Variants in MACROD1 observed in about 807,000 individuals in gnomAD.
MACROD1 encodes the protein mono-ADP ribosylhydrolase 1.
In MACROD1, 31 loss-of-function variants were observed where a neutral mutation model predicts 41.4. The observed-to-expected ratio is 0.75, with a 90% CI of 0.56 to 1.01. MACROD1 has a LOEUF of 1.01. MACROD1 is among the 50% of genes least tolerant of loss of function. The pLI is 0.00. For synonymous variants in MACROD1, 252 were observed against 203.4 expected, an observed-to-expected ratio of 1.24 and a Z score of -2.03; for missense variants, 473 against 460.0, an observed-to-expected ratio of 1.03 and a Z score of -0.26.
At chr11:64,072,911 G>A (rs1436401075) in intron 3 of MACROD1, among the ~76,000 whole-genome samples, 1 of 152,184 alleles carries the variant, frequency 6.6e-6, no homozygotes, top group East Asian at 1.9e-4. Context: ...TCTCAAAAGA[G>A]TCAGGTTCTC....
intron 3 of MACROD1, chr11:64,118,897 C>T (rs1945046671): frequency 6.0e-6 from 1 of 167,044 alleles, no homozygotes; most frequent in African/African-American, 2.4e-5. Flanking sequence ...GCATCTTTCA[C>T]TGCATTCTTT....
chr11:64,143,489 G>A (rs914277739), intron 3 of MACROD1, among the ~76,000 whole-genome samples: 1 of 152,086 alleles, frequency 6.6e-6, no homozygotes, highest in Non-Finnish European at 1.5e-5. Context: ...GGGACTTGAG[G>A]GGGCTTGGGA....
At chr11:64,116,372 G>C in intron 3 of MACROD1, 2 of 1,613,652 alleles carry the variant, frequency 1.2e-6, no homozygotes, top group Non-Finnish European at 1.7e-6. Context: ...GGGACTGGCT[G>C]TTCCTCTGCT....
At chr11:64,079,073 G>A (rs1354046283) in intron 3 of MACROD1, among the ~76,000 whole-genome samples, 1 of 152,092 alleles carries the variant, frequency 6.6e-6, no homozygotes, top group Non-Finnish European at 1.5e-5. Context: ...CGGGGGCGGT[G>A]GGGAGGCGCT....
chr11:64,118,338 C>T (rs754188520), intron 3 of MACROD1: 20 of 1,507,846 alleles, frequency 1.3e-5, no homozygotes, highest in Admixed American at 8.8e-5. Flanking sequence ...GCTGCCCTGG[C>T]GTGGCCATGT....
At chr11:64,086,090 G>T (rs1324674775) in intron 3 of MACROD1, among the ~76,000 whole-genome samples, 3 of 152,180 alleles carry the variant, frequency 2.0e-5, no homozygotes, top group Non-Finnish European at 4.4e-5. Flanking sequence ...GAGCTGAGTC[G>T]GCTGGGCCAG....
At position 64,096,359 on chromosome 11, in the gene MACROD1, C is replaced by A. The variant is rs1044848411; in HGVS notation, c.517+54880G>T. ...CACGGTCCCTAATGGGCACGGGCGACGCATTACAGTGAGGTCTGCCAGGTA... is the reference window on the plus strand; with the variant it reads ...CACGGTCCCTAATGGGCACGGGCGAAGCATTACAGTGAGGTCTGCCAGGTA... On this transcript the variant is annotated intron_variant, in intron 3 of 10. Transcript: ENST00000255681. This position sits in a 1 kb window ranked among gnomAD's most constrained non-coding sequence, Gnocchi z 4.6. Among the ~76,000 whole-genome samples, 7 of 151,954 alleles carry A rather than the reference C, an allele frequency of 4.6e-5. No homozygotes were observed. The highest frequency in any genetic ancestry group is 1.7e-4 in the African/African-American group (7 of 41,372).
rs1337014901 is a variant in MACROD1, at chr11:64,015,292, G to C, written c.518-11C>G. ...GCAGGGAGCTGTTGGCTGCAAGAGA[G>C]AGAGACAAAGGCAGATCAGTGGGGA... On this transcript the variant is annotated splice_polypyrimidine_tract_variant and intron_variant, in intron 3 of 10. Transcript: ENST00000255681. The C allele has an allele frequency of 6.2e-7, 1 of 1,605,914 alleles. No individual in the cohort carries two copies. Among genetic ancestry groups the C allele is most frequent in the Non-Finnish European group, 8.5e-7 (1 of 1,176,292 alleles).
intron 3 of MACROD1, among the ~76,000 whole-genome samples, chr11:64,145,626 C>G (rs562326604): frequency 6.6e-6 from 1 of 152,358 alleles, no homozygotes; most frequent in Non-Finnish European, 1.5e-5. Context: ...ACAGCCCATG[C>G]TCACTGCTCT....
At chr11:64,148,726 T>C (rs1038885395) in intron 3 of MACROD1, 8 of 985,762 alleles carry the variant, frequency 8.1e-6, no homozygotes, top group Non-Finnish European at 8.4e-6. Context: ...CGCAGATTTA[T>C]GCAGCCCCGA....
At chr11:64,050,711 C>T (rs572991568) in intron 3 of MACROD1, among the ~76,000 whole-genome samples, 47 of 152,308 alleles carry the variant, frequency 3.1e-4, no homozygotes, top group African/African-American at 8.9e-4. Context: ...CTCTGCTTCC[C>T]GGGTTCAAGC....
chr11:64,117,946 C>T, intron 3 of MACROD1: 6 of 1,613,442 alleles, frequency 3.7e-6, no homozygotes, highest in Non-Finnish European at 5.1e-6. Context: ...ATCGGCGGGG[C>T]AGTGGCTCTG....
intron 3 of MACROD1, among the ~76,000 whole-genome samples, chr11:64,114,576 G>A (rs931361388): frequency 1.6e-5 from 2 of 124,400 alleles, no homozygotes; most frequent in African/African-American, 5.3e-5. Flanking sequence ...TGGATGGACA[G>A]GTAGATGCAT....
At chr11:64,147,622 C>T (rs1945513007) in intron 3 of MACROD1, among the ~76,000 whole-genome samples, 1 of 151,874 alleles carries the variant, frequency 6.6e-6, no homozygotes, top group African/African-American at 2.4e-5. Flanking sequence ...GGGATTTCGC[C>T]ATGTTGGCCA....
At chr11:64,074,333 C>T (rs543131489) in intron 3 of MACROD1, among the ~76,000 whole-genome samples, 47 of 152,306 alleles carry the variant, frequency 3.1e-4, no homozygotes, top group Admixed American at 1.0e-3. Flanking sequence ...CTGCAAGGTC[C>T]CGCTCTGGGA....
chr11:64,070,641 G>A (rs747554922), intron 3 of MACROD1, among the ~76,000 whole-genome samples: 8 of 152,154 alleles, frequency 5.3e-5, no homozygotes, highest in Non-Finnish European at 1.0e-4. Flanking sequence ...ACTAACACTC[G>A]GGCTGGGGCC....
chr11:64,116,395 C>T lies in MACROD1; in HGVS notation c.517+34844G>A, dbSNP rs767018690. ...CTGTTCCTCTGCTACGGGCTCATCG[C>T]CTTCCTGACGGAGGTCATCGACAGC... On this transcript the variant is annotated intron_variant, in intron 3 of 10. Transcript: ENST00000255681. 3 of 1,613,868 alleles carry T rather than the reference C, an allele frequency of 1.9e-6. No individual in the cohort carries two copies. In the Admixed American group the frequency reaches 5.0e-5, roughly 27 times the overall value.
chr11:64,053,185 T>C (rs1021398094), intron 3 of MACROD1, among the ~76,000 whole-genome samples: 1 of 152,066 alleles, frequency 6.6e-6, no homozygotes, highest in African/African-American at 2.4e-5. Flanking sequence ...CTTGGGGCCC[T>C]GGGGTGGGCG....
chr11:64,117,303 C>T (rs377711019), intron 3 of MACROD1: 13 of 1,613,992 alleles, frequency 8.1e-6, no homozygotes, highest in South Asian at 2.2e-5. Flanking sequence ...GGTGAAGGCA[C>T]GGGCGGCCGT....
Sources: allele counts gnomAD v4.1 joint callset (sites outside exome capture counted in the v4.1 genomes callset), GRCh38; gene constraint gnomAD v4.1.1; non-coding constraint Gnocchi (gnomAD v3.1); transcripts MANE v1.5; gene names NCBI Gene and HGNC (gene_info 2026-07-23, HGNC 2026-07-21).